Variants in HERC6 observed in about 807,000 individuals in gnomAD.
The protein encoded by HERC6 is probable E3 ubiquitin-protein ligase HERC6.
A neutral mutation model predicts 114.5 loss-of-function variants in HERC6; 101 were observed. The observed-to-expected ratio is 0.88, with a 90% CI of 0.75 to 1.04. The LOEUF is 1.04. Among genes scored for constraint, HERC6 ranks in the 50% least tolerant of loss-of-function variants. HERC6 has a pLI of 0.00. For missense variants in HERC6, 1,133 were observed against 1,230.9 expected, an observed-to-expected ratio of 0.92 and a Z score of 1.19; for synonymous variants, 408 against 436.2, an observed-to-expected ratio of 0.94 and a Z score of 0.81.
At chr4:88,409,421 C>T (rs368423353) in intron 11 of HERC6, among the ~76,000 whole-genome samples, 3 of 151,994 alleles carry the variant, frequency 2.0e-5, no homozygotes, top group Admixed American at 6.6e-5. Flanking sequence ...TGATTGGGGC[C>T]GAAAGAGGGG....
At position 88,421,571 on chromosome 4, in the gene HERC6, A is replaced by G. The variant is rs866207586; in HGVS notation, c.1714-2289A>G. On this transcript the variant is annotated intron_variant, in intron 13 of 22. Transcript: ENST00000264346. ...CAAGCGATTCTCCTGCCTTAGCTTCACAAGTAGCTGGCATTACAGGTGTAC... is the reference window on the plus strand; with the variant it reads ...CAAGCGATTCTCCTGCCTTAGCTTCGCAAGTAGCTGGCATTACAGGTGTAC... Among the ~76,000 whole-genome samples the G allele has an allele frequency of 5.3e-5, 8 of 150,820 alleles. No homozygotes were observed. The South Asian group carries it at 1.3e-3, about 24-fold the overall frequency.
In HERC6 at chr4:88,390,432, T is replaced by C. The variant is rs528567772; in HGVS notation, c.437-220T>C. On this transcript the variant is annotated intron_variant, in intron 3 of 22. Coordinates refer to ENST00000264346, the MANE Select transcript of HERC6 (RefSeq NM_017912.4). ...CACCACACACACACACAAAGGTAACTATGTGAGGTGATGGATATGTTAATT... is the reference window on the plus strand; with the variant it reads ...CACCACACACACACACAAAGGTAACCATGTGAGGTGATGGATATGTTAATT... Among the ~76,000 whole-genome samples, 164 of 152,282 alleles carry C rather than the reference T, an allele frequency of 1.1e-3. 2 individuals carry two copies. The highest frequency in any genetic ancestry group is 2.5e-3 in the East Asian group (13 of 5,186).
rs928283999 is a variant in HERC6, at chr4:88,390,855, G to A, written c.640G>A (p.Ala214Thr). The A allele has an allele frequency of 2.5e-6, 4 of 1,613,406 alleles. No individual in the cohort carries two copies. The highest frequency in any genetic ancestry group is 2.5e-6 in the Non-Finnish European group (3 of 1,179,496). Residue 214 changes from alanine to threonine, a missense_variant, in exon 4 of 23, where the codon GCC (alanine) becomes ACC (threonine). Ala to Thr is a moderately conservative substitution (Grantham distance 58, BLOSUM62 0). This residue lies in a region of HERC6 where 735 missense variants were observed against 754.0 expected (regional missense o/e 0.97). Coordinates refer to ENST00000264346, the MANE Select transcript of HERC6 (RefSeq NM_017912.4). Reference sequence around the variant, plus strand: ...GGGAAGTAACAGTGCCGGGCAGCTGGCCCTCAGTGGGCGTAATGTCCCAGG... The same window carrying A: ...GGGAAGTAACAGTGCCGGGCAGCTGACCCTCAGTGGGCGTAATGTCCCAGG... ...GWGSNSAGQLALSGRNVPVQS... is the reference protein window; with the variant it reads ...GWGSNSAGQLTLSGRNVPVQS...
chr4:88,423,814 C>T, intron 13 of HERC6, 46 bp from the exon 14 acceptor site: 2 of 826,614 alleles, frequency 2.4e-6, no homozygotes, highest in Non-Finnish European at 3.7e-6. Context: ...TAGATTAAAT[C>T]ACTTATTGAT....
At chr4:88,406,899 G>T (rs943030415) in intron 10 of HERC6, among the ~76,000 whole-genome samples, 7 of 151,890 alleles carry the variant, frequency 4.6e-5, no homozygotes, top group African/African-American at 1.7e-4. Flanking sequence ...TGGGATTACA[G>T]GTGTGCACCA....
chr4:88,404,649 CT>C (rs59900225), intron 8 of HERC6, among the ~76,000 whole-genome samples: 19 of 149,786 alleles, frequency 1.3e-4, no homozygotes, highest in South Asian at 4.3e-4. Context: ...CCTGCATTCA[CT>C]TTTTTTTTTC....
chr4:88,415,100 T>C (rs1439466874), intron 12 of HERC6, among the ~76,000 whole-genome samples: 1 of 152,228 alleles, frequency 6.6e-6, no homozygotes, highest in Admixed American at 6.5e-5. Flanking sequence ...CAGAAGTGGC[T>C]ACAGGTTCTA....
chr4:88,424,142 A>G (rs1737351942), intron 14 of HERC6, among the ~76,000 whole-genome samples, 169 bp downstream of exon 14: 1 of 152,228 alleles, frequency 6.6e-6, no homozygotes, highest in African/African-American at 2.4e-5. Context: ...TATTTTAATC[A>G]TAAAACAAAT....
chr4:88,424,051 T>TA, intron 14 of HERC6, 78 bp downstream of exon 14: 1 of 676,188 alleles, frequency 1.5e-6, no homozygotes, highest in Non-Finnish European at 2.4e-6. Context: ...GTAAAGGTAC[T>TA]CTTTGATAAA....
chr4:88,424,874 C>CA (rs1258750785), intron 15 of HERC6, among the ~76,000 whole-genome samples, 172 bp downstream of exon 15: 1 of 152,100 alleles, frequency 6.6e-6, no homozygotes, highest in African/African-American at 2.4e-5. Flanking sequence ...TATTTTACAG[C>CA]AAATTTCAGT....
intron 2 of HERC6, among the ~76,000 whole-genome samples, chr4:88,384,846 C>A (rs1734495467): frequency 6.6e-6 from 1 of 151,976 alleles, no homozygotes; most frequent in South Asian, 2.1e-4. Flanking sequence ...ATGGTGAAAC[C>A]TCGTCTATAC....
chr4:88,389,440 GA>G (rs1734776289), intron 3 of HERC6, among the ~76,000 whole-genome samples: 2 of 152,206 alleles, frequency 1.3e-5, no homozygotes, highest in Admixed American at 6.5e-5. Flanking sequence ...TTTTAGGAGA[GA>G]AAAGTTGGTG....
chr4:88,415,190 C>T (rs1253604759), intron 12 of HERC6, among the ~76,000 whole-genome samples: 1 of 152,108 alleles, frequency 6.6e-6, no homozygotes, highest in Non-Finnish European at 1.5e-5. Context: ...TGGTAGCAAA[C>T]TATTAAAGTT....
chr4:88,439,431 GGAAAGAAA>G (rs1006143696), intron 20 of HERC6, among the ~76,000 whole-genome samples: 1 of 151,324 alleles, frequency 6.6e-6, no homozygotes, highest in African/African-American at 2.4e-5. Flanking sequence ...GGAAGGGAAA[GGAAAGAAA>G]GAAAGAAAGA....
intron 5 of HERC6, among the ~76,000 whole-genome samples, chr4:88,394,900 G>A (rs971424673): frequency 8.5e-5 from 13 of 152,062 alleles, no homozygotes; most frequent in Admixed American, 7.9e-4. Flanking sequence ...TATTATAGAA[G>A]CAACAAAGTA....
At chr4:88,418,381 G>A (rs572337378) in intron 13 of HERC6, among the ~76,000 whole-genome samples, 83 of 152,254 alleles carry the variant, frequency 5.5e-4, no homozygotes, top group Admixed American at 5.2e-3. Context: ...AATGACTTAG[G>A]ACAAGCCCAG....
chr4:88,405,924 A>G (rs1252773272), intron 10 of HERC6, among the ~76,000 whole-genome samples: 3 of 152,242 alleles, frequency 2.0e-5, no homozygotes, highest in African/African-American at 7.2e-5. Flanking sequence ...ACATTGCTTT[A>G]GTACTTAGAA....
chr4:88,417,986 A>G (rs1443067669), intron 13 of HERC6, among the ~76,000 whole-genome samples: 1 of 152,122 alleles, frequency 6.6e-6, no homozygotes, highest in African/African-American at 2.4e-5. Context: ...AGATACTGCT[A>G]CATGTAACAA....
chr4:88,397,818 A>C (rs1009093984), intron 7 of HERC6, among the ~76,000 whole-genome samples: 1 of 152,230 alleles, frequency 6.6e-6, no homozygotes, highest in Non-Finnish European at 1.5e-5. Flanking sequence ...AAGAAAGTAA[A>C]GAAGCAACCA....
Sources: allele counts gnomAD v4.1 joint callset (sites outside exome capture counted in the v4.1 genomes callset), GRCh38; gene constraint gnomAD v4.1.1; regional missense constraint gnomAD v4.1.1; transcripts MANE v1.5; gene names NCBI Gene and HGNC (gene_info 2026-07-23, HGNC 2026-07-21).